MCU: variants seen among roughly 807,000 people sequenced by gnomAD.
MCU encodes calcium uniporter protein, mitochondrial.
MCU carries 12 observed loss-of-function variants against 45.2 expected under a neutral mutation model. That is an observed-to-expected ratio of 0.27 (90% CI 0.17 to 0.43). The LOEUF (loss-of-function observed/expected upper bound fraction) is 0.43, where lower values mean the gene tolerates loss of function less well. MCU is among the 20% of genes least tolerant of loss of function. The pLI is 1.00. For missense variants in MCU, 324 were observed against 436.7 expected, an observed-to-expected ratio of 0.74 and a Z score of 2.30; for synonymous variants, 160 against 165.1, an observed-to-expected ratio of 0.97 and a Z score of 0.24.
At chr10:72,709,620 C>T (rs1842865225) in intron 1 of MCU, among the ~76,000 whole-genome samples, 1 of 151,634 alleles carries the variant, frequency 6.6e-6, no homozygotes. Flanking sequence ...CTAGGGTATA[C>T]TTTGTGTGAG....
intron 1 of MCU, chr10:72,715,087 C>CT: frequency 1.2e-6 from 1 of 813,720 alleles, no homozygotes; most frequent in Non-Finnish European, 1.5e-6. Context: ...TTGACATTTA[C>CT]TTTACTTTTT....
At chr10:72,803,423 A>T (rs7084269) in intron 1 of MCU, among the ~76,000 whole-genome samples, 8,482 of 151,704 alleles carry the variant, frequency 0.056, 802 homozygotes, top group African/African-American at 0.19. Flanking sequence ...CAAAGAAAAA[A>T]TTCCAAACTC....
intron 1 of MCU, among the ~76,000 whole-genome samples, chr10:72,705,209 T>C (rs1842804793): frequency 6.6e-6 from 1 of 152,154 alleles, no homozygotes; most frequent in South Asian, 2.1e-4. Context: ...CTGGGATATG[T>C]GTGCAGCATG....
chr10:72,694,453 C>G (rs1842662576), intron 1 of MCU, among the ~76,000 whole-genome samples: 1 of 152,216 alleles, frequency 6.6e-6, no homozygotes. Context: ...CTTTACATCT[C>G]TCTCCTCCCT....
intron 1 of MCU, among the ~76,000 whole-genome samples, chr10:72,820,864 C>T (rs1179946634): frequency 6.6e-6 from 1 of 151,332 alleles, no homozygotes; most frequent in African/African-American, 2.4e-5. Context: ...TACTTTTGGT[C>T]AGTAGTTATT....
At chr10:72,731,610 A>C (rs1843175420) in intron 1 of MCU, among the ~76,000 whole-genome samples, 1 of 152,148 alleles carries the variant, frequency 6.6e-6, no homozygotes, top group African/African-American at 2.4e-5. Context: ...CATGTTTAGC[A>C]ATCACTGTCT....
intron 1 of MCU, among the ~76,000 whole-genome samples, chr10:72,797,600 T>C (rs1844270494): frequency 6.7e-6 from 1 of 149,008 alleles, no homozygotes; most frequent in Non-Finnish European, 1.5e-5. Context: ...AGTGGCACTG[T>C]GTCGGCTCAC....
chr10:72,708,394 T>C (rs754926503), intron 1 of MCU: 64 of 152,354 alleles, frequency 4.2e-4, no homozygotes, highest in African/African-American at 1.5e-3. Flanking sequence ...GTACTAGTAA[T>C]TTATTAATTC....
At chr10:72,695,883 G>T (rs915729729) in intron 1 of MCU, among the ~76,000 whole-genome samples, 2 of 151,436 alleles carry the variant, frequency 1.3e-5, no homozygotes, top group Non-Finnish European at 2.9e-5. Context: ...AATTTTTTTG[G>T]CTGGGTGCGG....
At chr10:72,821,593 A>G (rs2132816327) in intron 1 of MCU, among the ~76,000 whole-genome samples, 1 of 152,210 alleles carries the variant, frequency 6.6e-6, no homozygotes, top group African/African-American at 2.4e-5. Flanking sequence ...CTTTTACTCC[A>G]CAATGTTTAG....
intron 1 of MCU, among the ~76,000 whole-genome samples, chr10:72,722,282 C>T (rs1441361499): frequency 7.5e-6 from 1 of 134,110 alleles, no homozygotes; most frequent in African/African-American, 2.9e-5. Flanking sequence ...CACCTTTGCA[C>T]TCCAGCCTGG....
intron 1 of MCU, among the ~76,000 whole-genome samples, chr10:72,819,397 C>G (rs1383462617): frequency 6.6e-6 from 1 of 152,164 alleles, no homozygotes; most frequent in Non-Finnish European, 1.5e-5. Context: ...TCCCACCATT[C>G]CCTCTACCCC....
chr10:72,723,725 G>T (rs1418335822), intron 1 of MCU, among the ~76,000 whole-genome samples: 1 of 152,174 alleles, frequency 6.6e-6, no homozygotes, highest in African/African-American at 2.4e-5. Flanking sequence ...ATTTGTGCTT[G>T]CAACGTGCTT....
intron 1 of MCU, among the ~76,000 whole-genome samples, chr10:72,813,562 G>A (rs1257868041): frequency 6.9e-6 from 1 of 144,922 alleles, no homozygotes; most frequent in Non-Finnish European, 1.5e-5. Flanking sequence ...GGGATCAAGC[G>A]ATTCTCCTGC....
chr10:72,793,027 T>C (rs1181080525), intron 1 of MCU, among the ~76,000 whole-genome samples: 2 of 152,028 alleles, frequency 1.3e-5, no homozygotes, highest in East Asian at 3.9e-4. Flanking sequence ...TACAGGCGCA[T>C]GCCACCATGC....
chr10:72,766,647 T>G (rs750298495), intron 1 of MCU: 11 of 152,222 alleles, frequency 7.2e-5, no homozygotes, highest in Non-Finnish European at 1.6e-4. Flanking sequence ...TTCAAAGTCA[T>G]AGCCCATTTC....
At chr10:72,767,047 C>G (rs912654243) in intron 1 of MCU, 2 of 152,138 alleles carry the variant, frequency 1.3e-5, no homozygotes, top group African/African-American at 4.8e-5. Flanking sequence ...TTTTATCATT[C>G]TATAAGTTCC....
chr10:72,699,691 A>C (rs1842733219), intron 1 of MCU, among the ~76,000 whole-genome samples: 1 of 151,080 alleles, frequency 6.6e-6, no homozygotes, highest in Non-Finnish European at 1.5e-5. Context: ...TCCTGGGTTC[A>C]AGTGATTCTG....
At chr10:72,828,854 TGA>T (rs1208151489) in intron 1 of MCU, among the ~76,000 whole-genome samples, 1 of 152,148 alleles carries the variant, frequency 6.6e-6, no homozygotes, top group East Asian at 1.9e-4. Context: ...CAAAGGTAAA[TGA>T]TTATAATACT....
Sources: gnomAD v4.1 joint callset for allele counts (sites outside exome capture counted in the v4.1 genomes callset) on GRCh38, gnomAD v4.1.1 for gene constraint, MANE v1.5 for transcripts, NCBI Gene and HGNC (gene_info 2026-07-23, HGNC 2026-07-21) for gene names.